The following ARHGEF2 variants were observed in gnomAD, a reference collection of about 807,000 sequenced individuals.
ARHGEF2 encodes rho guanine nucleotide exchange factor 2.
In ARHGEF2, 22 loss-of-function variants were observed where a neutral mutation model predicts 121.0. That is an observed-to-expected ratio of 0.18 (90% CI 0.13 to 0.26). ARHGEF2 has a LOEUF of 0.26. Ranked by LOEUF, ARHGEF2 falls within the 10% of genes least tolerant of loss-of-function variation. The pLI is 1.00. For missense variants in ARHGEF2, 907 were observed against 1,336.0 expected (o/e 0.68, Z 5.01); for synonymous variants, 487 against 530.0 (o/e 0.92, Z 1.11).
At chr1:155,958,732 C>G (rs895631286) in intron 11 of ARHGEF2, among the ~76,000 whole-genome samples, 2 of 151,872 alleles carry the variant, frequency 1.3e-5, no homozygotes, top group Admixed American at 1.3e-4. Flanking sequence ...GCGTGTGCCA[C>G]CATGCCCGGC....
rs748843731 is a variant in ARHGEF2 at position 155,962,068 on chromosome 1, G to A, written c.1219+37C>T. ...GAGCCTTTCCTCACCCCAGGTGGCC[G>A]TCTCCCAGTGGCCCTCTCCTGGGCC... On this transcript the variant is annotated intron_variant, in intron 10 of 21. Transcript: ENST00000361247. The surrounding 1 kb of genome is among the most constrained non-coding windows in gnomAD (Gnocchi z 5.8). 2.9e-5 allele frequency: 46 copies of A among 1,610,820 alleles called. No homozygotes were observed. The highest frequency in any genetic ancestry group is 3.4e-5 in the Non-Finnish European group (40 of 1,177,384).
chr1:155,952,181 G>T lies in ARHGEF2; in HGVS notation c.2039C>A (p.Pro680His). Reference protein sequence around the residue: ...VGPGVELLLTPREPALPLEPD... With the variant: ...VGPGVELLLTHREPALPLEPD... ...TTCCAAGGGCAGGGCTGGCTCTCGG[G>T]GTGTCAAGAGCAGTTCCACTCCTGG... Residue 680 changes from proline to histidine, a missense_variant, in exon 16 of 22, where the codon CCC becomes CAC. Transcript: ENST00000361247. 6.2e-7 allele frequency: 1 copy of T among 1,614,114 alleles called. No homozygotes were observed. The highest frequency in any genetic ancestry group is 8.5e-7 in the Non-Finnish European group (1 of 1,180,016).
intron 2 of ARHGEF2, among the ~76,000 whole-genome samples, chr1:155,967,962 A>AC (rs1164750559): frequency 7.3e-6 from 1 of 137,064 alleles, no homozygotes; most frequent in Non-Finnish European, 1.6e-5. Flanking sequence ...AGCTGCCCCC[A>AC]CCCCCCTGGA....
chr1:155,971,683 T>TCTC (rs1413360628), intron 1 of ARHGEF2, among the ~76,000 whole-genome samples: 2 of 151,710 alleles, frequency 1.3e-5, no homozygotes, highest in African/African-American at 4.8e-5. Context: ...CTCTCCCTTT[T>TCTC]CTCCTCCTCT....
chr1:155,951,602 G>C lies in ARHGEF2; in HGVS notation c.2209-69C>G, dbSNP rs527703622. On this transcript the variant is annotated intron_variant, in intron 18 of 21. Transcript: ENST00000361247. The surrounding 1 kb of genome is among the most constrained non-coding windows in gnomAD (Gnocchi z 5.1). ...GGAGAACTGCCCAAAAGTTGAACAAGGGTGGGTGTGGGGACAGTAGGATCC... is the reference window on the plus strand; with the variant it reads ...GGAGAACTGCCCAAAAGTTGAACAACGGTGGGTGTGGGGACAGTAGGATCC... 7.1e-5 allele frequency: 115 copies of C among 1,609,886 alleles called. No homozygotes were observed. Among genetic ancestry groups the C allele is most frequent in the Non-Finnish European group, 9.8e-5 (115 of 1,176,188 alleles).
intron 21 of ARHGEF2, 102 bp from the exon 22 acceptor site, chr1:155,948,117 G>C: frequency 1.2e-6 from 1 of 852,216 alleles, no homozygotes; most frequent in Non-Finnish European, 1.8e-6. Flanking sequence ...GGGGGCTCTG[G>C]GGCTGTGAAG....
chr1:155,971,801 A>C (rs564498060), intron 1 of ARHGEF2, among the ~76,000 whole-genome samples: 1 of 151,634 alleles, frequency 6.6e-6, no homozygotes, highest in Non-Finnish European at 1.5e-5. Context: ...TAATCCCAGC[A>C]CTTTGCGGGG....
At chr1:155,972,042 C>T (rs1680570995) in intron 1 of ARHGEF2, among the ~76,000 whole-genome samples, 1 of 152,136 alleles carries the variant, frequency 6.6e-6, no homozygotes, top group Admixed American at 6.6e-5. Context: ...CTCTCTTCCA[C>T]ACCTGACCTC....
intron 1 of ARHGEF2, among the ~76,000 whole-genome samples, chr1:155,975,259 C>T (rs1225247149): frequency 6.6e-6 from 1 of 152,116 alleles, no homozygotes. Context: ...ACTGACACAC[C>T]AGCACACCAG....
At chr1:155,953,419 G>T (rs1025728169) in intron 14 of ARHGEF2, among the ~76,000 whole-genome samples, 1 of 152,158 alleles carries the variant, frequency 6.6e-6, no homozygotes, top group Non-Finnish European at 1.5e-5. Flanking sequence ...TGACTTGCAC[G>T]TGACTATATT....
Position 155,978,210 on chromosome 1 carries a change from T to TG in ARHGEF2, c.63+154_63+155insC. 55 of 1,295,444 alleles carry TG rather than the reference T, an allele frequency of 4.2e-5. No individual in the cohort carries two copies. Among genetic ancestry groups the TG allele is most frequent in the East Asian group, 2.4e-4 (7 of 29,126 alleles). 80.2% of individuals were successfully genotyped at this position (1,295,444 alleles called of 1,614,324 possible). A position where few individuals can be genotyped will look rare whatever the true frequency, so the allele number is the denominator to read the frequency against. On this transcript the variant is annotated intron_variant, in intron 1 of 21. Transcript: ENST00000361247. The surrounding 1 kb of genome is among the most constrained non-coding windows in gnomAD (Gnocchi z 4.1). ...CCCACCCCTACCCACTCGCTCGCAG[T>TG]CCCCACCCACCCCGTCCCGCCGCTC...
At chr1:155,958,545 T>C (rs922746456) in intron 11 of ARHGEF2, 149 bp from the exon 12 acceptor site, 2 of 589,052 alleles carry the variant, frequency 3.4e-6, no homozygotes, top group Non-Finnish European at 6.0e-6. Context: ...GCTTGCACTT[T>C]TTCAGACCTC....
intron 7 of ARHGEF2, among the ~76,000 whole-genome samples, 154 bp downstream of exon 7, chr1:155,964,834 A>C (rs1241044213): frequency 6.7e-6 from 1 of 149,570 alleles, no homozygotes. Context: ...TGGAGGCTGC[A>C]GTGAGCCGAG....
chr1:155,966,159 A>T (rs1679321016), intron 4 of ARHGEF2, among the ~76,000 whole-genome samples: 1 of 152,054 alleles, frequency 6.6e-6, no homozygotes, highest in African/African-American at 2.4e-5. Flanking sequence ...AGTGTAAATA[A>T]CTGATAAAAA....
chr1:155,949,251 T>TTAAA (rs1226395466), intron 21 of ARHGEF2, among the ~76,000 whole-genome samples: 10 of 149,934 alleles, frequency 6.7e-5, no homozygotes, highest in Middle Eastern at 3.4e-3. Flanking sequence ...AGACTCCATC[T>TTAAA]TAAATAAATA....
rs1681699581 is a variant in ARHGEF2 at position 155,978,323 on chromosome 1, A to G, written c.63+42T>C. ...CCGCGGGTGCCGGGGTTCGGGGAGC[A>G]CCCGAGGACCGCGGCGAAAGGAGAG... On this transcript the variant is annotated intron_variant, in intron 1 of 21. Transcript: ENST00000361247. This position sits in a 1 kb window ranked among gnomAD's most constrained non-coding sequence, Gnocchi z 4.1. 5.5e-6 allele frequency: 8 copies of G among 1,443,756 alleles called. No homozygotes were observed. Among genetic ancestry groups the G allele is most frequent in the African/African-American group, 1.4e-5 (1 of 69,124 alleles). 89.4% of individuals were successfully genotyped at this position (1,443,756 alleles called of 1,614,324 possible).
intron 1 of ARHGEF2, among the ~76,000 whole-genome samples, chr1:155,976,733 C>T (rs1186097543): frequency 6.6e-6 from 1 of 151,520 alleles, no homozygotes; most frequent in Non-Finnish European, 1.5e-5. Flanking sequence ...CTTGGCTCTA[C>T]TCCAGGGTCT....
In ARHGEF2 at chr1:155,950,549, T is replaced by C. The variant is rs1470799394; in HGVS notation, c.2704-67A>G. 3.1e-5 allele frequency: 47 copies of C among 1,536,302 alleles called. No homozygotes were observed. The highest frequency in any genetic ancestry group is 1.4e-5 in the African/African-American group (1 of 73,584). On this transcript the variant is annotated intron_variant, in intron 20 of 21. Transcript: ENST00000361247. The surrounding 1 kb of genome is among the most constrained non-coding windows in gnomAD (Gnocchi z 5.2). ...GTAGTGTGAAGATTGGAGGTTCTGCTTGGCTGAAGGCAGCAGCTCTCCCCC... is the reference window on the plus strand; with the variant it reads ...GTAGTGTGAAGATTGGAGGTTCTGCCTGGCTGAAGGCAGCAGCTCTCCCCC...
chr1:155,962,495 C>A lies in ARHGEF2; in HGVS notation c.1101+98G>T. 6.5e-7 allele frequency: 1 copy of A among 1,544,226 alleles called. No individual in the cohort carries two copies. Among genetic ancestry groups the A allele is most frequent in the South Asian group, 1.2e-5 (1 of 81,832 alleles). On this transcript the variant is annotated intron_variant, in intron 9 of 21. Coordinates refer to ENST00000361247, the MANE Select transcript of ARHGEF2 (RefSeq NM_001162383.2). The surrounding 1 kb of genome is among the most constrained non-coding windows in gnomAD (Gnocchi z 5.8). ...GGATGGTCTGCACGGGTGGCGAATG[C>A]CTGACCTCCATGTGGGTGCAGCTCA...
Sources: allele counts gnomAD v4.1 joint callset (sites outside exome capture counted in the v4.1 genomes callset), GRCh38; gene constraint gnomAD v4.1.1; non-coding constraint Gnocchi (gnomAD v3.1); transcripts MANE v1.5; gene names NCBI Gene and HGNC (gene_info 2026-07-23, HGNC 2026-07-21).